TECRL: variants seen among roughly 807,000 people sequenced by gnomAD.
The protein encoded by TECRL is trans-2,3-enoyl-CoA reductase-like.
In TECRL, 63 loss-of-function variants were observed where a neutral mutation model predicts 52.8. The ratio of observed to expected loss-of-function variants is 1.19; its 90% CI spans 0.97 to 1.47. The LOEUF (loss-of-function observed/expected upper bound fraction) is 1.47, where lower values mean the gene tolerates loss of function less well. TECRL is among the 40% of genes most tolerant of loss of function. The pLI, the probability that TECRL is intolerant of heterozygous loss-of-function variation, is 0.00. For synonymous variants in TECRL, 164 were observed against 141.9 expected, an observed-to-expected ratio of 1.16 and a Z score of -1.10; for missense variants, 482 against 429.6, an observed-to-expected ratio of 1.12 and a Z score of -1.08.
At chr4:64,311,589 C>G (rs748551611) in intron 5 of TECRL, among the ~76,000 whole-genome samples, 2 of 152,132 alleles carry the variant, frequency 1.3e-5, no homozygotes, top group African/African-American at 2.4e-5. Context: ...TATGATTTCT[C>G]TATATTAGTA....
At chr4:64,299,494 A>G (rs775042136) in intron 8 of TECRL, among the ~76,000 whole-genome samples, 18 of 151,198 alleles carry the variant, frequency 1.2e-4, no homozygotes, top group Non-Finnish European at 2.5e-4. Flanking sequence ...ACACAATTTT[A>G]TCTACATATA....
chr4:64,316,017 G>A (rs1717473522), intron 4 of TECRL, among the ~76,000 whole-genome samples: 4 of 126,322 alleles, frequency 3.2e-5, no homozygotes, highest in Non-Finnish European at 6.9e-5. Flanking sequence ...TATAGAAAAT[G>A]TTTGCCACTT....
At chr4:64,387,027 C>G (rs965847119) in intron 1 of TECRL, among the ~76,000 whole-genome samples, 1 of 152,114 alleles carries the variant, frequency 6.6e-6, no homozygotes, top group Non-Finnish European at 1.5e-5. Flanking sequence ...ATATATCTAA[C>G]ATTATAGTAT....
At chr4:64,297,661 G>C (rs1250701031) in intron 8 of TECRL, among the ~76,000 whole-genome samples, 1 of 151,012 alleles carries the variant, frequency 6.6e-6, no homozygotes. Flanking sequence ...TGCACATATA[G>C]TACTTATAAT....
intron 2 of TECRL, among the ~76,000 whole-genome samples, chr4:64,352,888 A>G (rs1720495103): frequency 6.6e-6 from 1 of 152,138 alleles, no homozygotes; most frequent in Admixed American, 6.5e-5. Context: ...AATTTTATTT[A>G]TTTATTATTG....
intron 6 of TECRL, among the ~76,000 whole-genome samples, chr4:64,305,643 A>G (rs1230434978): frequency 6.6e-6 from 1 of 152,168 alleles, no homozygotes; most frequent in Non-Finnish European, 1.5e-5. Context: ...AGGACTGAGG[A>G]TGTCCTAAAA....
At chr4:64,328,441 G>A in intron 3 of TECRL, 71 bp downstream of exon 3, 7 of 1,318,618 alleles carry the variant, frequency 5.3e-6, no homozygotes, top group South Asian at 5.0e-5. Context: ...AGTGATAAGT[G>A]AATGTCAGCT....
At chr4:64,348,677 C>T (rs1397277112) in intron 2 of TECRL, among the ~76,000 whole-genome samples, 1 of 152,166 alleles carries the variant, frequency 6.6e-6, no homozygotes, top group African/African-American at 2.4e-5. Flanking sequence ...TAGCATATTT[C>T]TTACTGTGTC....
chr4:64,292,769 G>A (rs906893475), intron 8 of TECRL, among the ~76,000 whole-genome samples: 1 of 151,846 alleles, frequency 6.6e-6, no homozygotes, highest in South Asian at 2.1e-4. Context: ...AAAGTAACCA[G>A]GTGCTTTTTG....
rs376291353 is a variant in TECRL at position 64,334,555 on chromosome 4, CTA to C, written c.287-6001_287-6000del. On this transcript the variant is annotated intron_variant, in intron 2 of 11. Coordinates refer to ENST00000381210, the MANE Select transcript of TECRL (RefSeq NM_001010874.5). ...CACTGAAACCAGCACCAATCAATGT[CTA>C]TAATTTTGCTGACCTTGAAAAACAA... 7.8e-3 allele frequency among the ~76,000 whole-genome samples: 1,185 copies of C among 152,266 alleles called. 18 individuals are homozygous for C. Among genetic ancestry groups the C allele is most frequent in the African/African-American group, 0.027 (1,112 of 41,550 alleles).
intron 1 of TECRL, among the ~76,000 whole-genome samples, chr4:64,402,343 A>G (rs943754487): frequency 6.6e-6 from 1 of 152,132 alleles, no homozygotes; most frequent in African/African-American, 2.4e-5. Context: ...AGAAAAAAAT[A>G]CTAATATATC....
intron 2 of TECRL, among the ~76,000 whole-genome samples, chr4:64,372,521 A>G (rs775380260): frequency 1.6e-4 from 24 of 151,806 alleles, no homozygotes; most frequent in Non-Finnish European, 2.5e-4. Context: ...AACAAAGCAG[A>G]ACTTAAAAAT....
chr4:64,362,266 A>C (rs1450649917), intron 2 of TECRL, among the ~76,000 whole-genome samples: 1 of 152,096 alleles, frequency 6.6e-6, no homozygotes, highest in Non-Finnish European at 1.5e-5. Flanking sequence ...GAGCAACTTG[A>C]AAAACATATT....
At chr4:64,368,958 C>A (rs1721804242) in intron 2 of TECRL, among the ~76,000 whole-genome samples, 1 of 152,102 alleles carries the variant, frequency 6.6e-6, no homozygotes, top group South Asian at 2.1e-4. Context: ...AAATTATATA[C>A]CCTTTCTTGT....
At chr4:64,376,507 T>A (rs1722407375) in intron 1 of TECRL, among the ~76,000 whole-genome samples, 1 of 151,960 alleles carries the variant, frequency 6.6e-6, no homozygotes, top group Non-Finnish European at 1.5e-5. Flanking sequence ...TAATTTTGGT[T>A]ATTAACCTTT....
intron 7 of TECRL, among the ~76,000 whole-genome samples, chr4:64,300,941 G>T (rs1723984506): frequency 1.3e-5 from 2 of 150,750 alleles, no homozygotes; most frequent in African/African-American, 4.8e-5. Context: ...AAATAATACT[G>T]CTTTGAACAT....
chr4:64,352,869 C>T (rs1720493322), intron 2 of TECRL, among the ~76,000 whole-genome samples: 1 of 152,086 alleles, frequency 6.6e-6, no homozygotes, highest in Non-Finnish European at 1.5e-5. Context: ...GTTTTGACAA[C>T]TTTTTTCTAA....
chr4:64,300,281 G>A (rs1315824567), intron 7 of TECRL, among the ~76,000 whole-genome samples: 1 of 150,494 alleles, frequency 6.6e-6, no homozygotes, highest in East Asian at 1.9e-4. Context: ...CTTGAAGGCA[G>A]ATTTAGAATT....
At chr4:64,277,122 G>C, downstream of TECRL, 1 of 1,034,198 alleles carries the variant, frequency 9.7e-7, no homozygotes, top group South Asian at 1.6e-5. Context: ...ACTAAGGTAT[G>C]TCTGCCAACA....
Sources: allele counts gnomAD v4.1 joint callset (sites outside exome capture counted in the v4.1 genomes callset), GRCh38; gene constraint gnomAD v4.1.1; transcripts MANE v1.5; gene names NCBI Gene and HGNC (gene_info 2026-07-23, HGNC 2026-07-21).